ROBO2: variants seen among roughly 807,000 people sequenced by gnomAD.
The protein encoded by ROBO2 is roundabout homolog 2.
A neutral mutation model predicts 160.8 loss-of-function variants in ROBO2; 53 were observed. That is an observed-to-expected ratio of 0.33 (90% confidence interval 0.26 to 0.41). The LOEUF (loss-of-function observed/expected upper bound fraction) is 0.41. Ranked by LOEUF, ROBO2 falls within the 10% of genes least tolerant of loss-of-function variation. ROBO2 has a pLI of 1.00. For synonymous variants in ROBO2, 664 were observed against 611.7 expected, an observed-to-expected ratio of 1.09 and a Z score of -1.26; for missense variants, 1,577 against 1,722.4, an observed-to-expected ratio of 0.92 and a Z score of 1.49.
chr3:75,982,699 C>T (rs2065311293), intron 2 of ROBO2, among the ~76,000 whole-genome samples: 1 of 151,470 alleles, frequency 6.6e-6, no homozygotes, highest in South Asian at 2.1e-4. Flanking sequence ...CTGTTGTGTT[C>T]TTCCTAGGAT....
chr3:76,207,864 A>C (rs1450968887), intron 2 of ROBO2, among the ~76,000 whole-genome samples: 1 of 152,192 alleles, frequency 6.6e-6, no homozygotes, highest in Non-Finnish European at 1.5e-5. Flanking sequence ...GTCCCCACCC[A>C]AATCTCAGGT....
At chr3:76,460,875 G>A (rs952205281) in intron 2 of ROBO2, among the ~76,000 whole-genome samples, 3 of 152,146 alleles carry the variant, frequency 2.0e-5, no homozygotes, top group East Asian at 1.9e-4. Flanking sequence ...ACCAAGACAT[G>A]TTAATCCCTA....
intron 2 of ROBO2, among the ~76,000 whole-genome samples, chr3:77,301,558 G>A (rs1422196697): frequency 6.6e-6 from 1 of 152,148 alleles, no homozygotes; most frequent in Non-Finnish European, 1.5e-5. Flanking sequence ...TATTTAAAAT[G>A]TTCCTATCAT....
chr3:77,496,633 T>C (rs188457178), intron 5 of ROBO2, among the ~76,000 whole-genome samples: 42 of 152,268 alleles, frequency 2.8e-4, no homozygotes, highest in Admixed American at 2.6e-3. Context: ...TGTGTAGTGG[T>C]TCATGCTTAA....
chr3:76,898,842 T>C (rs553035367), intron 2 of ROBO2, among the ~76,000 whole-genome samples: 2 of 152,170 alleles, frequency 1.3e-5, no homozygotes, highest in African/African-American at 4.8e-5. Flanking sequence ...TAAAAATATA[T>C]GTTCTATTAT....
chr3:77,333,266 C>T (rs1173346220), intron 2 of ROBO2, among the ~76,000 whole-genome samples: 5 of 152,104 alleles, frequency 3.3e-5, no homozygotes, highest in African/African-American at 9.7e-5. Flanking sequence ...AAGATGATGT[C>T]GCAGACACCT....
chr3:77,037,996 C>A (rs2063738497), upstream of ROBO2, among the ~76,000 whole-genome samples: 1 of 152,142 alleles, frequency 6.6e-6, no homozygotes. Flanking sequence ...ACATTGTAAT[C>A]CTGAACTGGG....
At chr3:77,125,219 T>C (rs1047067788) in intron 2 of ROBO2, among the ~76,000 whole-genome samples, 1 of 152,126 alleles carries the variant, frequency 6.6e-6, no homozygotes, top group Admixed American at 6.6e-5. Flanking sequence ...TTAACTATAA[T>C]AGTTGTGGTC....
At chr3:76,471,829 A>G (rs1278548183) in intron 2 of ROBO2, among the ~76,000 whole-genome samples, 1 of 152,102 alleles carries the variant, frequency 6.6e-6, no homozygotes, top group East Asian at 1.9e-4. Flanking sequence ...CACATCCTTC[A>G]TCACGTGATG....
intron 2 of ROBO2, among the ~76,000 whole-genome samples, chr3:76,907,498 T>C (rs1271033897): frequency 6.6e-6 from 1 of 152,184 alleles, no homozygotes; most frequent in Non-Finnish European, 1.5e-5. Flanking sequence ...CCCTCTTTCT[T>C]TCTCTCTCTT....
At chr3:76,886,175 C>A (rs570444516) in intron 2 of ROBO2, among the ~76,000 whole-genome samples, 65 of 151,958 alleles carry the variant, frequency 4.3e-4, no homozygotes, top group Non-Finnish European at 8.7e-4. Flanking sequence ...CTTGGGAGAG[C>A]ACTTCCTAAT....
intron 2 of ROBO2, among the ~76,000 whole-genome samples, chr3:77,404,499 T>C (rs1490569485): frequency 1.3e-5 from 2 of 152,174 alleles, no homozygotes; most frequent in Non-Finnish European, 2.9e-5. Flanking sequence ...TGGCAAGGCA[T>C]AAACATGGAA....
intron 2 of ROBO2, among the ~76,000 whole-genome samples, chr3:76,031,912 A>T (rs370017823): frequency 2.0e-5 from 3 of 151,908 alleles, no homozygotes; most frequent in African/African-American, 7.3e-5. Flanking sequence ...TTCTTTTCCT[A>T]TTGATTGGAA....
chr3:76,411,061 G>A (rs1028456968), intron 2 of ROBO2, among the ~76,000 whole-genome samples: 8 of 151,786 alleles, frequency 5.3e-5, no homozygotes, highest in Non-Finnish European at 1.2e-4. Context: ...CAGTACTTGG[G>A]GGCATGCTAT....
chr3:76,846,276 A>C (rs2068766445), intron 2 of ROBO2, among the ~76,000 whole-genome samples: 1 of 152,164 alleles, frequency 6.6e-6, no homozygotes, highest in East Asian at 1.9e-4. Flanking sequence ...TAATTAACAG[A>C]ATAGTTATTA....
chr3:77,319,055 A>G (rs1581025151), intron 2 of ROBO2, among the ~76,000 whole-genome samples: 1 of 152,130 alleles, frequency 6.6e-6, no homozygotes, highest in East Asian at 1.9e-4. Context: ...TGTGCTCCTT[A>G]CCCAATATTA....
At chr3:76,993,881 T>C (rs1439404642) in intron 2 of ROBO2, among the ~76,000 whole-genome samples, 1 of 149,096 alleles carries the variant, frequency 6.7e-6, no homozygotes, top group Non-Finnish European at 1.5e-5. Flanking sequence ...CTTTAGCTTT[T>C]GTAAAAAAAA....
intron 2 of ROBO2, among the ~76,000 whole-genome samples, chr3:77,416,645 A>C (rs552956020): frequency 6.8e-5 from 10 of 146,044 alleles, no homozygotes; most frequent in African/African-American, 2.5e-4. Flanking sequence ...TGAAACCAGG[A>C]GGCAGAGGTT....
intron 2 of ROBO2, among the ~76,000 whole-genome samples, chr3:76,579,587 T>C (rs998741274): frequency 3.3e-5 from 5 of 151,284 alleles, no homozygotes; most frequent in African/African-American, 1.2e-4. Flanking sequence ...AAGAGTGAGA[T>C]TTTATCTTAA....
Sources: allele counts gnomAD v4.1 joint callset (sites outside exome capture counted in the v4.1 genomes callset), GRCh38; gene constraint gnomAD v4.1.1; transcripts MANE v1.5; gene names NCBI Gene and HGNC (gene_info 2026-07-23, HGNC 2026-07-21).